ELF4: variants seen among roughly 807,000 people sequenced by gnomAD.
ELF4 encodes the protein E74 like ETS transcription factor 4.
Under a neutral mutation model 31.7 loss-of-function variants are expected in ELF4, and 10 were observed. That is an observed-to-expected ratio of 0.32 (90% CI 0.19 to 0.54). The LOEUF (loss-of-function observed/expected upper bound fraction) is 0.54. Among genes scored for constraint, ELF4 ranks in the 20% least tolerant of loss-of-function variants. The probability of loss-of-function intolerance (pLI) is 0.95; values close to 1 mark genes in which losing one functional copy is unlikely to be tolerated. For synonymous variants in ELF4, 208 were observed against 226.7 expected (o/e 0.92, Z 0.74); for missense variants, 418 against 522.0 (o/e 0.80, Z 1.94).
At chrX:130,105,580 A>T (rs188911375) in intron 1 of ELF4, among the ~76,000 whole-genome samples, 9 of 111,894 alleles carry the variant, frequency 8.0e-5, no homozygotes, top group Non-Finnish European at 1.7e-4. Flanking sequence ...GAGACACAGA[A>T]TCAGTGGAAG....
At chrX:130,098,415 C>T (rs902843877) in intron 1 of ELF4, among the ~76,000 whole-genome samples, 5 of 111,249 alleles carry the variant, frequency 4.5e-5, no homozygotes, top group Non-Finnish European at 9.4e-5. Flanking sequence ...ACTGCAAGTC[C>T]GGGCAGATAT....
chrX:130,087,244 C>G (rs1351264570), intron 1 of ELF4, among the ~76,000 whole-genome samples: 2 of 111,985 alleles, frequency 1.8e-5, no homozygotes, highest in African/African-American at 6.5e-5. Flanking sequence ...AAGTGTGGGG[C>G]AGCCACTAAA....
In ELF4 at chrX:130,082,572, C is replaced by T. The variant is rs760085844; in HGVS notation, c.-209-1033G>A. 1.1e-4 allele frequency among the ~76,000 whole-genome samples: 12 copies of T among 111,641 alleles called. No homozygotes were observed. The East Asian group carries it at 2.8e-3, about 26-fold the overall frequency. On this transcript the variant is annotated intron_variant, in intron 1 of 8. Transcript: ENST00000308167. ...CCCAAACACACCTCCTCTCGCCCCA[C>T]GTGCCCTCAGCGCTCACGGTGTCAC...
chrX:130,080,423 CAAAAA>C lies in ELF4; in HGVS notation c.75+828_75+832del, dbSNP rs3077212. Among the ~76,000 whole-genome samples the C allele has an allele frequency of 3.1e-3, 173 of 56,334 alleles. No homozygotes were observed. In the South Asian group the frequency reaches 0.04, roughly 13 times the overall value. 48.9% of individuals were successfully genotyped at this position (56,334 alleles called of 115,157 possible). ...TGGGCGACAGAGTGAGACTTCGTTT[CAAAAA>C]AAAAAAAAAAAAAATAGGGTAAGGG... On this transcript the variant is annotated intron_variant, in intron 2 of 8. Transcript: ENST00000308167.
chrX:130,102,569 T>G (rs894721944), intron 1 of ELF4, among the ~76,000 whole-genome samples: 1 of 110,114 alleles, frequency 9.1e-6, no homozygotes, highest in African/African-American at 3.3e-5. Context: ...ATCCTAGTAC[T>G]TAGGGAGGCC....
At chrX:130,108,101 G>A (rs772303218) in intron 1 of ELF4, among the ~76,000 whole-genome samples, 56 of 111,426 alleles carry the variant, frequency 5.0e-4, no homozygotes, top group African/African-American at 1.7e-3. Flanking sequence ...CCAGCTACTC[G>A]GGAGGCTGAG....
intron 2 of ELF4, among the ~76,000 whole-genome samples, chrX:130,078,762 TACACA>T (rs1932858559): frequency 2.4e-5 from 2 of 84,886 alleles, no homozygotes; most frequent in African/African-American, 9.1e-5. Context: ...TCTCTCTCTC[TACACA>T]CACACACACA....
At chrX:130,070,611 A>C (rs1183623978) in intron 7 of ELF4, among the ~76,000 whole-genome samples, 23 of 104,704 alleles carry the variant, frequency 2.2e-4, no homozygotes, top group African/African-American at 7.3e-4. Flanking sequence ...TAAAAAAAAA[A>C]CATACAAAAA....
At chrX:130,074,999 C>T (rs1324665553) in intron 2 of ELF4, among the ~76,000 whole-genome samples, 3 of 109,406 alleles carry the variant, frequency 2.7e-5, no homozygotes, top group East Asian at 2.9e-4. Context: ...GATAGAGCCT[C>T]GCTCTGTCGC....
chrX:130,109,336 T>C (rs967833526), intron 1 of ELF4, among the ~76,000 whole-genome samples: 1 of 112,704 alleles, frequency 8.9e-6, no homozygotes, highest in Non-Finnish European at 1.9e-5. Context: ...AATCGAGAAG[T>C]CCAAGGTTAA....
At chrX:130,069,700 T>TTGGGAGTTAGCCGGGAGC (rs1238235755) in intron 7 of ELF4, 23 bp from the exon 8 acceptor site, 1 of 1,209,104 alleles carries the variant, frequency 8.3e-7, no homozygotes, top group Admixed American at 2.2e-5. Flanking sequence ...GGGCAGGGAG[T>TTGGGAGTTAGCCGGGAGC]TGGGAGTTAG....
rs1932705001 is a variant in ELF4, at chrX:130,067,314, C to A, written c.1399G>T (p.Ala467Ser). 1 of 1,211,976 alleles carries A rather than the reference C, an allele frequency of 8.3e-7. No homozygotes were observed. Among genetic ancestry groups the A allele is most frequent in the Non-Finnish European group, 1.1e-6 (1 of 895,535 alleles). Residue 467 changes from alanine to serine, a missense_variant, in exon 9 of 9, where the codon GCC becomes TCC. By Grantham distance (99) the Ala-to-Ser change is moderately conservative. This residue lies in a region of ELF4 where 260 missense variants were observed against 269.2 expected (regional missense o/e 0.97). Coordinates refer to ENST00000308167, the MANE Select transcript of ELF4 (RefSeq NM_001421.4). ...FTLQASFPLN[A>S]SFQDSQVAAP... ...GCCACCTGGCTGTCTTGGAAACTGG[C>A]GTTCAGGGGGAAAGAGGCCTGCAAA... is the stretch of plus-strand genomic sequence containing the variant.
intron 1 of ELF4, among the ~76,000 whole-genome samples, chrX:130,097,768 C>A (rs1933176838): frequency 8.8e-6 from 1 of 113,142 alleles, no homozygotes; most frequent in Non-Finnish European, 1.9e-5. Flanking sequence ...GGTTCTTGGG[C>A]TGGCGCCCAG....
At chrX:130,104,277 T>TACACACACACACACACAC (rs61193112) in intron 1 of ELF4, among the ~76,000 whole-genome samples, 3 of 86,418 alleles carry the variant, frequency 3.5e-5, no homozygotes, top group Non-Finnish European at 6.8e-5. Context: ...TTCAGTATAT[T>TACACACACACACACACAC]ACACACACAC....
chrX:130,085,326 C>A (rs1364178853), intron 1 of ELF4, among the ~76,000 whole-genome samples: 4 of 111,929 alleles, frequency 3.6e-5, no homozygotes, highest in Non-Finnish European at 7.5e-5. Flanking sequence ...AAGGCGCCGA[C>A]CTCCTGGCCT....
At chrX:130,091,092 G>A (rs1181173082) in intron 1 of ELF4, among the ~76,000 whole-genome samples, 1 of 112,057 alleles carries the variant, frequency 8.9e-6, no homozygotes, top group East Asian at 2.8e-4. Flanking sequence ...TGGACTAAAG[G>A]CTTCAGTGTG....
intron 1 of ELF4, among the ~76,000 whole-genome samples, chrX:130,088,579 G>A (rs1015361715): frequency 9.0e-6 from 1 of 110,712 alleles, no homozygotes; most frequent in Non-Finnish European, 1.9e-5. Context: ...GGAGTGTGGC[G>A]GCGTGCACCT....
At chrX:130,068,274 A>G (rs1329410007) in intron 8 of ELF4, among the ~76,000 whole-genome samples, 2 of 112,499 alleles carry the variant, frequency 1.8e-5, no homozygotes, top group Non-Finnish European at 3.8e-5. Context: ...GAGGTTATGT[A>G]TTAATAACTT....
chrX:130,074,850 G>T, intron 2 of ELF4, 98 bp from the exon 3 acceptor site: 1 of 971,967 alleles, frequency 1.0e-6, no homozygotes, highest in South Asian at 2.1e-5. Flanking sequence ...CTTATTCTTG[G>T]GTTCATCAGG....
Sources: gnomAD v4.1 joint callset for allele counts (sites outside exome capture counted in the v4.1 genomes callset) on GRCh38, gnomAD v4.1.1 for gene constraint, gnomAD v4.1.1 regional missense constraint, MANE v1.5 for transcripts, NCBI Gene and HGNC (gene_info 2026-07-23, HGNC 2026-07-21) for gene names.